Variants in GLYATL2 observed in about 807,000 individuals in gnomAD.
GLYATL2 encodes glycine N-acyltransferase-like protein 2.
GLYATL2 carries 25 observed loss-of-function variants against 21.4 expected under a neutral mutation model. The observed-to-expected ratio is 1.17, with a 90% CI of 0.85 to 1.63. GLYATL2 has a LOEUF of 1.63. Ranked by LOEUF, GLYATL2 falls within the 40% of genes most tolerant of loss-of-function variation. GLYATL2 has a pLI of 0.00. For missense variants in GLYATL2, 361 were observed against 343.3 expected (o/e 1.05, Z -0.41); for synonymous variants, 114 against 118.2 (o/e 0.96, Z 0.23).
chr11:58,868,810 A>G lies in GLYATL2; in HGVS notation n.61-30442T>C, dbSNP rs1220207803. On this transcript the variant is annotated intron_variant and non_coding_transcript_variant, in intron 1 of 4. Transcript: ENST00000533636. The stretch of plus-strand genomic sequence containing the variant: ...GGAAGAACTGCTTTTGAAATTTGAC[A>G]TCTGCATCCAGATAGGTGACTGTCA... Among the ~76,000 whole-genome samples the G allele has an allele frequency of 2.0e-5, 3 of 149,062 alleles. 1 individual carries two copies. Among genetic ancestry groups the G allele is most frequent in the East Asian group, 4.5e-4 (2 of 4,462 alleles).
At chr11:58,901,089 A>G (rs968592247) in intron 1 of GLYATL2, among the ~76,000 whole-genome samples, 2 of 152,206 alleles carry the variant, frequency 1.3e-5, no homozygotes, top group Admixed American at 6.5e-5. Flanking sequence ...TTGTGTACTC[A>G]GGACGGTGCT....
rs572208435 is a variant in GLYATL2, at chr11:58,872,682, C to T, written n.60+31474G>A. 7.2e-5 allele frequency among the ~76,000 whole-genome samples: 11 copies of T among 152,364 alleles called. No homozygotes were observed. In the East Asian group the frequency reaches 2.1e-3, roughly 29 times the overall value. ...TGCCAGCACCGTGCTGTTTTGGTTA[C>T]TGTAGCCTTGTAGTATAGTTTGAAG... On this transcript the variant is annotated intron_variant and non_coding_transcript_variant, in intron 1 of 4. Coordinates refer to the GLYATL2 transcript ENST00000533636.
At chr11:58,879,734 A>G (rs1197656690) in intron 1 of GLYATL2, among the ~76,000 whole-genome samples, 17 of 152,302 alleles carry the variant, frequency 1.1e-4, no homozygotes, top group Admixed American at 6.5e-5. Context: ...TGACAAAAAC[A>G]TTCTGGAAAT....
In GLYATL2 at chr11:58,898,598, A is replaced by G. The variant is rs535549174; in HGVS notation, n.60+5558T>C. On this transcript the variant is annotated intron_variant and non_coding_transcript_variant, in intron 1 of 4. Transcript: ENST00000533636. The stretch of plus-strand genomic sequence containing the variant: ...GCCTGTAATCCCAGCACTTTCGGAG[A>G]CCGAGGCGGGCAGATCACGAAGGTC... 2.0e-3 allele frequency among the ~76,000 whole-genome samples: 310 copies of G among 151,672 alleles called. 2 individuals carry two copies. The highest frequency in any genetic ancestry group is 7.2e-3 in the African/African-American group (295 of 41,230).
intron 1 of GLYATL2, among the ~76,000 whole-genome samples, chr11:58,894,088 C>A (rs1433426244): frequency 1.3e-5 from 2 of 152,184 alleles, no homozygotes; most frequent in African/African-American, 4.8e-5. Context: ...TGCCTCCTTT[C>A]TCCTACTCTT....
At chr11:58,893,197 G>T (rs1854575558) in intron 1 of GLYATL2, 1 of 334,202 alleles carries the variant, frequency 3.0e-6, no homozygotes, top group East Asian at 5.4e-5. Context: ...TCCACAGGGG[G>T]CCCTGGTCTC....
At chr11:58,841,456 G>T (rs190003670) in intron 1 of GLYATL2, among the ~76,000 whole-genome samples, 107 of 152,292 alleles carry the variant, frequency 7.0e-4, no homozygotes, top group African/African-American at 2.5e-3. Flanking sequence ...GCCAGAAAAG[G>T]TATGTGAAGT....
At chr11:58,876,951 C>A (rs1590741227) in intron 1 of GLYATL2, among the ~76,000 whole-genome samples, 1 of 152,390 alleles carries the variant, frequency 6.6e-6, no homozygotes, top group Middle Eastern at 3.4e-3. Context: ...TTCGAGCTTC[C>A]AGGCCACTTT....
intron 1 of GLYATL2, among the ~76,000 whole-genome samples, chr11:58,884,686 G>A (rs576311456): frequency 7.3e-4 from 111 of 152,226 alleles, no homozygotes; most frequent in African/African-American, 2.6e-3. Flanking sequence ...GAAGGGCATG[G>A]GGTTTGGAGC....
chr11:58,893,645 G>T (rs1396145220), intron 1 of GLYATL2, among the ~76,000 whole-genome samples: 1 of 152,214 alleles, frequency 6.6e-6, no homozygotes, highest in African/African-American at 2.4e-5. Flanking sequence ...ATCCAGGCTG[G>T]AGGTGGGAAG....
chr11:58,849,357 C>A (rs1319176050), upstream of GLYATL2, among the ~76,000 whole-genome samples: 1 of 152,088 alleles, frequency 6.6e-6, no homozygotes, highest in African/African-American at 2.4e-5. Context: ...TGAGCTCAAG[C>A]AATCCACCTA....
Position 58,879,933 on chromosome 11 carries a change from A to T in GLYATL2, n.60+24223T>A, listed in dbSNP as rs1237302438. Among the ~76,000 whole-genome samples the T allele has an allele frequency of 6.9e-5, 10 of 145,436 alleles. No homozygotes were observed. The East Asian group carries it at 1.6e-3, about 23-fold the overall frequency. On this transcript the variant is annotated intron_variant and non_coding_transcript_variant, in intron 1 of 4. Coordinates refer to the GLYATL2 transcript ENST00000533636. ...TAGTGCAGTGGCGCGATCTCGGCTC[A>T]CTGCAAGCTCCGCCTCCCGGGCTCA...
chr11:58,848,822 C>T (rs908081968), upstream of GLYATL2, among the ~76,000 whole-genome samples: 4 of 152,054 alleles, frequency 2.6e-5, no homozygotes, highest in Non-Finnish European at 5.9e-5. Flanking sequence ...TTCCCCATAC[C>T]AGAGAAAGAT....
upstream of GLYATL2, among the ~76,000 whole-genome samples, chr11:58,849,612 C>T (rs1400606535): frequency 6.6e-6 from 1 of 152,166 alleles, no homozygotes; most frequent in African/African-American, 2.4e-5. Context: ...TTCTACCAAA[C>T]ATTTAAAGAA....
upstream of GLYATL2, chr11:58,905,279 C>T (rs571072976): frequency 2.7e-6 from 1 of 374,532 alleles, no homozygotes; most frequent in African/African-American, 2.1e-5. Context: ...CCAAGTCCCT[C>T]TAGACCTCAC....
upstream of GLYATL2, among the ~76,000 whole-genome samples, chr11:58,904,785 A>G (rs73481080): frequency 0.057 from 8,639 of 152,284 alleles, 600 homozygotes; most frequent in African/African-American, 0.17. Flanking sequence ...CATTAAGTTC[A>G]GAAACATGCT....
intron 1 of GLYATL2, among the ~76,000 whole-genome samples, chr11:58,877,097 A>C (rs1025410437): frequency 6.6e-6 from 1 of 152,224 alleles, no homozygotes; most frequent in African/African-American, 2.4e-5. Flanking sequence ...CTTGTGCAGG[A>C]TATAATCTCC....
At chr11:58,890,876 C>T (rs1854531671) in intron 1 of GLYATL2, among the ~76,000 whole-genome samples, 1 of 151,802 alleles carries the variant, frequency 6.6e-6, no homozygotes, top group South Asian at 2.1e-4. Context: ...CTCTCTTTTG[C>T]CATTTAAAAA....
At chr11:58,851,285 A>G (rs1388638471) in intron 1 of GLYATL2, among the ~76,000 whole-genome samples, 1 of 152,114 alleles carries the variant, frequency 6.6e-6, no homozygotes, top group Non-Finnish European at 1.5e-5. Flanking sequence ...GCACATGTGG[A>G]GAAAAACGCA....
Sources: allele counts gnomAD v4.1 joint callset (sites outside exome capture counted in the v4.1 genomes callset), GRCh38; gene constraint gnomAD v4.1.1; transcripts MANE v1.5; gene names NCBI Gene and HGNC (gene_info 2026-07-23, HGNC 2026-07-21).